The following SBF2 variants were observed in gnomAD, a reference collection of about 807,000 sequenced individuals.
The protein encoded by SBF2 is myotubularin-related protein 13.
SBF2 carries 112 observed loss-of-function variants against 225.2 expected under a neutral mutation model. The observed-to-expected ratio is 0.50, with a 90% CI of 0.43 to 0.58. The LOEUF is 0.58. SBF2 is among the 20% of genes least tolerant of loss of function. SBF2 has a pLI of 0.00. For synonymous variants in SBF2, 763 were observed against 773.3 expected (o/e 0.99, Z 0.22); for missense variants, 1,996 against 2,206.2 (o/e 0.90, Z 1.91).
intron 24 of SBF2, among the ~76,000 whole-genome samples, chr11:9,843,380 A>C (rs1335887183): frequency 6.6e-6 from 1 of 152,240 alleles, no homozygotes; most frequent in Non-Finnish European, 1.5e-5. Flanking sequence ...AAGAAATCAG[A>C]AACTTGAGTA....
intron 17 of SBF2, among the ~76,000 whole-genome samples, chr11:9,869,600 C>A (rs1411519900): frequency 2.0e-5 from 3 of 152,102 alleles, no homozygotes; most frequent in South Asian, 2.1e-4. Flanking sequence ...AAGAAAAAAA[C>A]CACATGATTA....
intron 1 of SBF2, among the ~76,000 whole-genome samples, chr11:10,237,353 C>T (rs1355500901): frequency 6.6e-6 from 1 of 150,520 alleles, no homozygotes; most frequent in African/African-American, 2.4e-5. Flanking sequence ...TCTCAAAAAA[C>T]ACAAAAACAA....
intron 29 of SBF2, among the ~76,000 whole-genome samples, chr11:9,814,871 G>C (rs570198816): frequency 3.3e-5 from 5 of 152,214 alleles, no homozygotes; most frequent in African/African-American, 1.2e-4. Context: ...TAATAATAAA[G>C]TATTAAAGTA....
chr11:10,252,753 CGA>C lies in SBF2; in HGVS notation c.55+41260_55+41261del. ...TGCACCTGGGAGGCGGAGCTTGCAG[CGA>C]GCTTGCAGCGAGCTGAGATCGCGCC... is the stretch of plus-strand genomic sequence containing the variant. On this transcript the variant is annotated intron_variant, in intron 1 of 39. Coordinates refer to ENST00000256190, the MANE Select transcript of SBF2 (RefSeq NM_030962.4). Among the ~76,000 whole-genome samples the C allele has an allele frequency of 5.0e-5, 2 of 39,792 alleles. 1 individual carries two copies. The highest frequency in any genetic ancestry group is 1.5e-3 in the South Asian group (2 of 1,312). 26.1% of individuals were successfully genotyped at this position (39,792 alleles called of 152,430 possible).
chr11:9,839,339 G>A (rs941358310), intron 26 of SBF2, 159 bp downstream of exon 26: 36 of 756,778 alleles, frequency 4.8e-5, no homozygotes, highest in Middle Eastern at 3.6e-4. Flanking sequence ...TAATTGTTCC[G>A]AGAATGCCAA....
chr11:9,875,803 G>A (rs1389781399), intron 17 of SBF2, among the ~76,000 whole-genome samples: 2 of 152,166 alleles, frequency 1.3e-5, no homozygotes, highest in Non-Finnish European at 1.5e-5. Flanking sequence ...AGATTTTTCT[G>A]CCTATTATCA....
At chr11:10,061,192 G>A (rs1240920699) in intron 2 of SBF2, among the ~76,000 whole-genome samples, 1 of 151,944 alleles carries the variant, frequency 6.6e-6, no homozygotes. Context: ...ACATATTGAA[G>A]GAACATACCT....
intron 13 of SBF2, among the ~76,000 whole-genome samples, chr11:9,981,891 TC>T (rs1946973624): frequency 3.3e-5 from 5 of 152,312 alleles, no homozygotes; most frequent in Admixed American, 3.3e-4. Context: ...AATCACATCT[TC>T]CCTCAACTTT....
chr11:10,253,364 G>A lies in SBF2; in HGVS notation c.55+40651C>T, dbSNP rs1960557803. ...TCTGAAAGCCTGTCTTTTTCTTTTT[G>A]GGAGGAGATGCAAGAGATAGACGTA... On this transcript the variant is annotated intron_variant, in intron 1 of 39. Transcript: ENST00000256190. Among the ~76,000 whole-genome samples, 3 of 152,078 alleles carry A rather than the reference G, an allele frequency of 2.0e-5. No individual in the cohort carries two copies. In the South Asian group the frequency reaches 6.2e-4, roughly 32 times the overall value.
chr11:10,218,315 G>GC (rs1958206211), intron 1 of SBF2, among the ~76,000 whole-genome samples: 6 of 56,016 alleles, frequency 1.1e-4, no homozygotes, highest in African/African-American at 2.8e-4. Flanking sequence ...GCACAGGAAA[G>GC]ACCCACCCCC....
intron 13 of SBF2, among the ~76,000 whole-genome samples, chr11:9,978,152 C>G (rs1946783941): frequency 6.6e-6 from 1 of 152,292 alleles, no homozygotes; most frequent in Middle Eastern, 3.4e-3. Flanking sequence ...TTATTTTCCT[C>G]GCATTGATAC....
intron 6 of SBF2, among the ~76,000 whole-genome samples, chr11:10,014,731 C>A (rs950134606): frequency 2.6e-5 from 4 of 151,902 alleles, no homozygotes; most frequent in African/African-American, 9.7e-5. Context: ...TTCTTCTTAT[C>A]CTAATTGAAT....
intron 16 of SBF2, among the ~76,000 whole-genome samples, chr11:9,954,776 C>T (rs1565053187): frequency 6.6e-6 from 1 of 152,036 alleles, no homozygotes. Context: ...AGGGTATCTG[C>T]TATTCTATAA....
intron 16 of SBF2, among the ~76,000 whole-genome samples, chr11:9,932,036 T>G (rs1864536310): frequency 6.6e-6 from 1 of 151,470 alleles, no homozygotes; most frequent in South Asian, 2.1e-4. Flanking sequence ...TATCAGTGAT[T>G]GAAGATCACA....
chr11:10,006,682 A>C (rs1344046737), intron 6 of SBF2, among the ~76,000 whole-genome samples: 3 of 152,346 alleles, frequency 2.0e-5, no homozygotes, highest in African/African-American at 7.2e-5. Context: ...TTTTGGAAGC[A>C]TAAGAAGGCT....
intron 28 of SBF2, among the ~76,000 whole-genome samples, chr11:9,825,715 C>A (rs1350370310): frequency 6.6e-6 from 1 of 152,116 alleles, no homozygotes; most frequent in African/African-American, 2.4e-5. Context: ...TATCAATGGA[C>A]TATTCATAGT....
intron 16 of SBF2, among the ~76,000 whole-genome samples, chr11:9,936,890 T>C (rs1864938016): frequency 6.6e-6 from 1 of 152,136 alleles, no homozygotes; most frequent in Non-Finnish European, 1.5e-5. Context: ...ACATGGCACA[T>C]GAGAGCAAGA....
chr11:10,016,509 T>TG (rs2134577295), intron 6 of SBF2: 1 of 152,242 alleles, frequency 6.6e-6, no homozygotes, highest in African/African-American at 2.4e-5. Context: ...GTTTTTGAGA[T>TG]GGAGTCTCGC....
chr11:10,276,890 T>G (rs1432802876), intron 1 of SBF2, among the ~76,000 whole-genome samples: 1 of 152,094 alleles, frequency 6.6e-6, no homozygotes, highest in African/African-American at 2.4e-5. Flanking sequence ...CACTAGTAAT[T>G]TAAAGTTAGA....
Sources: gnomAD v4.1 joint callset for allele counts (sites outside exome capture counted in the v4.1 genomes callset) on GRCh38, gnomAD v4.1.1 for gene constraint, MANE v1.5 for transcripts, NCBI Gene and HGNC (gene_info 2026-07-23, HGNC 2026-07-21) for gene names.